COL27A1: variants seen among roughly 807,000 people sequenced by gnomAD.
COL27A1 encodes the protein collagen type XXVII alpha 1 chain, also known as collagen alpha-1(XXVII) chain.
A neutral mutation model predicts 251.3 loss-of-function variants in COL27A1; 106 were observed. The observed-to-expected ratio is 0.42, with a 90% CI of 0.36 to 0.50. The LOEUF (loss-of-function observed/expected upper bound fraction) is 0.50. COL27A1 is among the 20% of genes least tolerant of loss of function. The probability of loss-of-function intolerance (pLI) is 0.00; values close to 1 mark genes in which losing one functional copy is unlikely to be tolerated. For missense variants in COL27A1, 2,325 were observed against 2,522.8 expected, an observed-to-expected ratio of 0.92 and a Z score of 1.68; for synonymous variants, 1,000 against 986.3, an observed-to-expected ratio of 1.01 and a Z score of -0.26.
rs775067317 is a variant in COL27A1 at position 114,264,937 on chromosome 9, C to T, written c.3263C>T (p.Pro1088Leu). The change falls in exon 30 of 61, where the codon CCC becomes CTC. Residue 1088 changes from proline to leucine, a missense_variant. Pro to Leu is a moderately conservative substitution (Grantham distance 98). This residue lies in a region of COL27A1 where 662 missense variants were observed against 795.3 expected (regional missense o/e 0.83). Transcript: ENST00000356083. ...TGCTTCCCACAGGGCCCTCCAGGAC[C>T]CCAGGGCAGACCGGGCCGGCCTGGA... The part of the protein sequence containing the change: ...GSRGLKGPPG[P>L]QGRPGRPGQQ... The T allele has an allele frequency of 1.9e-6, 3 of 1,613,344 alleles. No homozygotes were observed. The Admixed American group carries it at 5.0e-5, about 27-fold the overall frequency.
rs749988511 is a variant in COL27A1 at position 114,169,164 on chromosome 9, A to G, written c.1609A>G (p.Ile537Val). Reference protein sequence around the residue: ...GSAPTGSKKPIGSEASKKAGP... With the variant: ...GSAPTGSKKPVGSEASKKAGP... Reference sequence around the variant, plus strand: ...AGCTCCCACTGGAAGCAAGAAGCCCATTGGATCGGAAGCCTCAAAGAAAGC... The same window carrying G: ...AGCTCCCACTGGAAGCAAGAAGCCCGTTGGATCGGAAGCCTCAAAGAAAGC... The change falls in exon 3 of 61, where the codon ATT becomes GTT. Residue 537 changes from isoleucine (I) to valine (V), a missense_variant. By Grantham distance (29) the Ile-to-Val change is conservative (BLOSUM62 3). Around this residue, in one of 4 missense-constraint regions of COL27A1, gnomAD observed 1,183 missense variants for 1,144.1 expected, o/e 1.03. Coordinates refer to ENST00000356083, the MANE Select transcript of COL27A1 (RefSeq NM_032888.4). The G allele has an allele frequency of 1.2e-6, 2 of 1,614,100 alleles. No homozygotes were observed. The highest frequency in any genetic ancestry group is 2.2e-5 in the South Asian group (2 of 91,082).
At chr9:114,180,655 A>T (rs560087977) in intron 4 of COL27A1, among the ~76,000 whole-genome samples, 1 of 152,142 alleles carries the variant, frequency 6.6e-6, no homozygotes, top group African/African-American at 2.4e-5. Flanking sequence ...AGGTCGCCCA[A>T]AGCTCTCTGT....
intron 12 of COL27A1, among the ~76,000 whole-genome samples, 190 bp downstream of exon 12, chr9:114,211,216 G>C (rs184379901): frequency 6.6e-6 from 1 of 152,242 alleles, no homozygotes; most frequent in East Asian, 1.9e-4. Context: ...CCTGGCTGGG[G>C]CTGGGGCTTC....
chr9:114,166,889 G>A (rs1345610878), intron 2 of COL27A1, among the ~76,000 whole-genome samples: 1 of 152,212 alleles, frequency 6.6e-6, no homozygotes, highest in Non-Finnish European at 1.5e-5. Flanking sequence ...GAGGTTGCAG[G>A]GATGCTTTGA....
rs144786117 is a variant in COL27A1 at position 114,169,384 on chromosome 9, C to G, written c.1829C>G (p.Ser610Trp). 6.2e-7 allele frequency: 1 copy of G among 1,610,258 alleles called. No individual in the cohort carries two copies. Among genetic ancestry groups the G allele is most frequent in the Admixed American group, 1.7e-5 (1 of 59,800 alleles). Residue 610 changes from serine (S) to tryptophan (W), a missense_variant, in exon 3 of 61, where the codon TCG becomes TGG. Transcript: ENST00000356083. ...SSPRPTSSGY[S>W]IFHLAGSTPF... is the part of the protein sequence containing the mutation. ...CCCCGGCCCACGAGCAGTGGCTATT[C>G]GATCTTCCACCTGGCAGGATCTACG...
chr9:114,270,663 G>T (rs1835078728), intron 35 of COL27A1, 65 bp from the exon 36 acceptor site: 5 of 1,328,636 alleles, frequency 3.8e-6, no homozygotes, highest in Non-Finnish European at 4.3e-6. Flanking sequence ...GGGGAAGAGA[G>T]GAAAAGCACA....
Position 114,311,548 on chromosome 9 carries a change from G to GAAAAAAAAAAAAAAAAAAAAGAA in COL27A1, c.*870_*871insAAAGAAAAAAAAAAAAAAAAAAA, listed in dbSNP as rs56094843. 2.1e-5 allele frequency: 2 copies of GAAAAAAAAAAAAAAAAAAAAGAA among 96,208 alleles called. No homozygotes were observed. Among genetic ancestry groups the GAAAAAAAAAAAAAAAAAAAAGAA allele is most frequent in the African/African-American group, 3.4e-5 (1 of 29,304 alleles). The allele number at this position is 96,208 out of a possible 1,614,324, so 6.0% of individuals were successfully genotyped here. Reference sequence around the variant, plus strand: ...AGGAGGAAAAAAGAAAAGAAAAAAGGAAAAAAAAAAAAAAAAAGCAAAACA... The same window carrying GAAAAAAAAAAAAAAAAAAAAGAA: ...AGGAGGAAAAAAGAAAAGAAAAAAGGAAAAAAAAAAAAAAAAAAAAGAAAAAAAAAAAAAAAAAAAGCAAAACA... On this transcript the variant is annotated 3_prime_UTR_variant, in exon 61 of 61. Transcript: ENST00000356083.
chr9:114,238,123 G>A (rs1301582418), intron 19 of COL27A1, among the ~76,000 whole-genome samples: 1 of 152,222 alleles, frequency 6.6e-6, no homozygotes, highest in Non-Finnish European at 1.5e-5. Context: ...CAGAGCTTCC[G>A]GGTATGGGGA....
intron 2 of COL27A1, among the ~76,000 whole-genome samples, chr9:114,167,023 G>A (rs934137992): frequency 2.6e-5 from 4 of 152,054 alleles, no homozygotes; most frequent in Non-Finnish European, 4.4e-5. Flanking sequence ...AGTGGGAAGG[G>A]GAATGGGTGG....
At chr9:114,190,003 G>A (rs944474800) in intron 5 of COL27A1, among the ~76,000 whole-genome samples, 1 of 152,074 alleles carries the variant, frequency 6.6e-6, no homozygotes, top group Non-Finnish European at 1.5e-5. Context: ...TATTTTTCCT[G>A]CCTTATTGCA....
chr9:114,252,826 GA>G, intron 26 of COL27A1, 52 bp from the exon 27 acceptor site: 1 of 1,570,826 alleles, frequency 6.4e-7, no homozygotes, highest in Non-Finnish European at 8.8e-7. Context: ...AGGTGGGACT[GA>G]AGGAGGAAGC....
At chr9:114,219,716 G>C in intron 12 of COL27A1, 75 bp from the exon 13 acceptor site, 1 of 1,030,326 alleles carries the variant, frequency 9.7e-7, no homozygotes, top group Non-Finnish European at 1.5e-6. Context: ...GTCCCCCCTG[G>C]GGGTCTGGAT....
At chr9:114,250,525 A>G (rs1346106017) in intron 24 of COL27A1, 90 bp from the exon 25 acceptor site, 1 of 1,226,238 alleles carries the variant, frequency 8.2e-7, no homozygotes. Flanking sequence ...GGTGGGAGAC[A>G]CCTGGGAGAT....
Position 114,157,106 on chromosome 9 carries a change from A to ACACGCGCG in COL27A1, c.62+1095_62+1096insACGCGCGC, listed in dbSNP as rs142812937. The stretch of plus-strand genomic sequence containing the variant: ...CACACACACACACACACACACACAT[A>ACACGCGCG]CGCGCGCGCGGCACCAGTGAGCACA... On this transcript the variant is annotated intron_variant, in intron 1 of 60. Transcript: ENST00000356083. Among the ~76,000 whole-genome samples, 186 of 147,942 alleles carry ACACGCGCG rather than the reference A, an allele frequency of 1.3e-3. 4 individuals carry two copies. The highest frequency in any genetic ancestry group is 6.6e-3 in the Admixed American group (98 of 14,866).
Position 114,209,666 on chromosome 9 carries a change from C to G in COL27A1, c.2269-9C>G, listed in dbSNP as rs763162022. 53 of 1,614,050 alleles carry G rather than the reference C, an allele frequency of 3.3e-5. No individual in the cohort carries two copies. The highest frequency in any genetic ancestry group is 4.5e-5 in the Non-Finnish European group (53 of 1,179,990). Reference sequence around the variant, plus strand: ...TGACCGCTCTGACCCCCTTTCTTCTCTTTCCTAGGGCTACATTGGGCTCCC... The same window carrying G: ...TGACCGCTCTGACCCCCTTTCTTCTGTTTCCTAGGGCTACATTGGGCTCCC... On this transcript the variant is annotated splice_polypyrimidine_tract_variant and intron_variant, in intron 10 of 60. Coordinates refer to ENST00000356083, the MANE Select transcript of COL27A1 (RefSeq NM_032888.4).
In COL27A1 at chr9:114,311,873, C is replaced by T. The variant is rs1035592118; in HGVS notation, c.*1178C>T. 6.6e-6 allele frequency: 1 copy of T among 152,246 alleles called. No individual in the cohort carries two copies. The highest frequency in any genetic ancestry group is 1.9e-4 in the East Asian group (1 of 5,202). 9.4% of individuals were successfully genotyped at this position (152,246 alleles called of 1,614,324 possible). A position where few individuals can be genotyped will look rare whatever the true frequency, so the allele number is the denominator to read the frequency against. The stretch of plus-strand genomic sequence containing the variant: ...TCTCAGGAAGCCGCATCGCCTCTTC[C>T]GAGGTCCTCACTTCCAGGAGCCTGT... On this transcript the variant is annotated 3_prime_UTR_variant, in exon 61 of 61. Transcript: ENST00000356083.
chr9:114,179,715 A>G (rs1827742571), intron 4 of COL27A1, among the ~76,000 whole-genome samples: 1 of 151,848 alleles, frequency 6.6e-6, no homozygotes, highest in Non-Finnish European at 1.5e-5. Flanking sequence ...ATCTATTCCC[A>G]TTTTACAGAT....
intron 3 of COL27A1, among the ~76,000 whole-genome samples, chr9:114,176,036 T>C (rs1827411618): frequency 6.6e-6 from 1 of 152,124 alleles, no homozygotes; most frequent in Non-Finnish European, 1.5e-5. Context: ...CAACCAAGAT[T>C]GTGTGGCAGC....
intron 27 of COL27A1, among the ~76,000 whole-genome samples, chr9:114,255,662 G>A (rs571723553): frequency 1.6e-4 from 25 of 152,214 alleles, no homozygotes; most frequent in Admixed American, 4.6e-4. Flanking sequence ...GTTGGCTCAG[G>A]CTTGGTGAAA....
Sources: allele counts gnomAD v4.1 joint callset (sites outside exome capture counted in the v4.1 genomes callset), GRCh38; gene constraint gnomAD v4.1.1; regional missense constraint gnomAD v4.1.1; transcripts MANE v1.5; gene names NCBI Gene and HGNC (gene_info 2026-07-23, HGNC 2026-07-21).